ATP2B4: variants seen among roughly 807,000 people sequenced by gnomAD.
The protein encoded by ATP2B4 is plasma membrane calcium-transporting ATPase 4.
A neutral mutation model predicts 110.3 loss-of-function variants in ATP2B4; 39 were observed. The ratio of observed to expected loss-of-function variants is 0.35; its 90% CI spans 0.27 to 0.46. The LOEUF (loss-of-function observed/expected upper bound fraction) is 0.46, where lower values mean the gene tolerates loss of function less well. ATP2B4 is among the 20% of genes least tolerant of loss of function. The pLI is 1.00. For synonymous variants in ATP2B4, 538 were observed against 571.7 expected (o/e 0.94, Z 0.84); for missense variants, 1,135 against 1,530.9 (o/e 0.74, Z 4.32).
chr1:203,656,977 A>G, intron 1 of ATP2B4: 1 of 718,934 alleles, frequency 1.4e-6, no homozygotes, highest in Non-Finnish European at 2.6e-6. Flanking sequence ...TCAAACCAGT[A>G]AGACTGCATT....
intron 3 of ATP2B4, among the ~76,000 whole-genome samples, chr1:203,699,055 G>T (rs1665614821): frequency 6.6e-6 from 1 of 152,264 alleles, no homozygotes; most frequent in South Asian, 2.1e-4. Flanking sequence ...GATTGCAGGT[G>T]TGAACCAACA....
At chr1:203,648,235 G>A (rs1663866692) in intron 1 of ATP2B4, among the ~76,000 whole-genome samples, 1 of 152,004 alleles carries the variant, frequency 6.6e-6, no homozygotes, top group Admixed American at 6.6e-5. Context: ...ATGTGTGAAA[G>A]AGAAGCTAAG....
rs138130835 is a variant in ATP2B4 at position 203,697,340 on chromosome 1, C to T, written c.194-817C>T. ...ACCTTGAGCAAGGAGCTTGTTCTTC[C>T]TGGCCTTTGTGTGTGAGCCAATGGA... On this transcript the variant is annotated intron_variant, in intron 2 of 20. Coordinates refer to ENST00000357681, the MANE Select transcript of ATP2B4 (RefSeq NM_001684.5). 4.8e-3 allele frequency among the ~76,000 whole-genome samples: 727 copies of T among 152,354 alleles called. 4 individuals carry two copies. The highest frequency in any genetic ancestry group is 0.016 in the African/African-American group (679 of 41,584).
intron 1 of ATP2B4, among the ~76,000 whole-genome samples, chr1:203,638,289 T>A (rs79622799): frequency 6.6e-6 from 1 of 152,346 alleles, no homozygotes; most frequent in East Asian, 1.9e-4. Flanking sequence ...GTGGGCAGGA[T>A]GGCATCTGGC....
rs1309112126 is a variant in ATP2B4, at chr1:203,707,017, A to G, written c.1108A>G (p.Met370Val). Residue 370 changes from methionine (M) to valine (V), a missense_variant, in exon 9 of 21, where the codon ATG becomes GTG. This residue lies in a region of ATP2B4 where 162 missense variants were observed against 210.5 expected (regional missense o/e 0.77). Transcript: ENST00000357681. ...CTTGTTTCTCTGGACAGGTCTGCTC[A>G]TGTCTGCTCTCACGGTTTTCATCCT... Reference protein sequence around the residue: ...AVQIGKAGLLMSALTVFILIL... With the variant: ...AVQIGKAGLLVSALTVFILIL... 1 of 1,613,642 alleles carries G rather than the reference A, an allele frequency of 6.2e-7. No individual in the cohort carries two copies. Among genetic ancestry groups the G allele is most frequent in the African/African-American group, 1.3e-5 (1 of 74,928 alleles).
chr1:203,724,865 CTGTTTTTT>C lies in ATP2B4; in HGVS notation c.3132+879_3132+886del, dbSNP rs1385575736. Among the ~76,000 whole-genome samples the C allele has an allele frequency of 1.5e-4, 15 of 101,454 alleles. 1 individual carries two copies. Among genetic ancestry groups the C allele is most frequent in the African/African-American group, 5.4e-4 (13 of 24,266 alleles). 66.6% of individuals were successfully genotyped at this position (101,454 alleles called of 152,430 possible). A position where few individuals can be genotyped will look rare whatever the true frequency, so the allele number is the denominator to read the frequency against. On this transcript the variant is annotated intron_variant, in intron 19 of 20. Coordinates refer to ENST00000357681, the MANE Select transcript of ATP2B4 (RefSeq NM_001684.5). ...ACTGCCTGGGTTTGAATCCAGCTCT[CTGTTTTTT>C]TTTTTTTTTTTTTTTTTTTCTGAGA... is the stretch of plus-strand genomic sequence containing the variant.
At chr1:203,702,499 A>C (rs761011182) in intron 7 of ATP2B4, among the ~76,000 whole-genome samples, 2 of 152,142 alleles carry the variant, frequency 1.3e-5, no homozygotes, top group African/African-American at 4.8e-5. Context: ...TAGCTTCCTC[A>C]TAAGTGTCCT....
At chr1:203,634,434 C>T (rs531906345) in intron 1 of ATP2B4, among the ~76,000 whole-genome samples, 14 of 152,296 alleles carry the variant, frequency 9.2e-5, no homozygotes, top group Non-Finnish European at 1.3e-4. Flanking sequence ...TAGGCTCAAG[C>T]GATCCTCTTG....
chr1:203,647,650 TC>T (rs1663844032), intron 1 of ATP2B4, among the ~76,000 whole-genome samples: 1 of 152,076 alleles, frequency 6.6e-6, no homozygotes, highest in South Asian at 2.1e-4. Flanking sequence ...TCTCAGTTAC[TC>T]GGGAGGCTGA....
In ATP2B4 at chr1:203,724,865, C is replaced by CTCTTTTTTTTTTTTTTTTTTTT. The variant is rs1214526316; in HGVS notation, c.3132+878_3132+879insCTTTTTTTTTTTTTTTTTTTTT. On this transcript the variant is annotated intron_variant, in intron 19 of 20. Transcript: ENST00000357681. The stretch of plus-strand genomic sequence containing the variant: ...ACTGCCTGGGTTTGAATCCAGCTCT[C>CTCTTTTTTTTTTTTTTTTTTTT]TGTTTTTTTTTTTTTTTTTTTTTTT... 3.0e-5 allele frequency among the ~76,000 whole-genome samples: 3 copies of CTCTTTTTTTTTTTTTTTTTTTT among 101,454 alleles called. 1 individual carries two copies. Among genetic ancestry groups the CTCTTTTTTTTTTTTTTTTTTTT allele is most frequent in the African/African-American group, 8.2e-5 (2 of 24,266 alleles). The allele number at this position is 101,454 out of a possible 152,430, so 66.6% of individuals were successfully genotyped here. A position where few individuals can be genotyped will look rare whatever the true frequency, so the allele number is the denominator to read the frequency against.
chr1:203,677,698 A>G (rs1664869237), intron 1 of ATP2B4, among the ~76,000 whole-genome samples: 1 of 152,184 alleles, frequency 6.6e-6, no homozygotes, highest in Admixed American at 6.5e-5. Context: ...TCCTGACCTC[A>G]GGTGATCCGC....
At chr1:203,677,337 C>T (rs186929284) in intron 1 of ATP2B4, among the ~76,000 whole-genome samples, 8 of 152,248 alleles carry the variant, frequency 5.3e-5, no homozygotes, top group Non-Finnish European at 1.2e-4. Context: ...TCCCAACCTT[C>T]CCACCTCTCC....
chr1:203,675,901 C>A (rs992137253), intron 1 of ATP2B4, among the ~76,000 whole-genome samples: 1 of 152,102 alleles, frequency 6.6e-6, no homozygotes, highest in Admixed American at 6.5e-5. Context: ...GACTAGCAAC[C>A]TGGAAGGACT....
At chr1:203,701,408 T>A (rs1382494962) in intron 6 of ATP2B4, among the ~76,000 whole-genome samples, 1 of 152,164 alleles carries the variant, frequency 6.6e-6, no homozygotes. Context: ...AACAGTTAGT[T>A]CAGTCTTTGC....
intron 20 of ATP2B4, chr1:203,733,346 G>A: frequency 6.2e-7 from 1 of 1,614,138 alleles, no homozygotes; most frequent in South Asian, 1.1e-5. Flanking sequence ...AGTTGCACCA[G>A]TCAAATCTTC....
At chr1:203,659,716 G>A (rs940734679) in intron 1 of ATP2B4, among the ~76,000 whole-genome samples, 32 of 152,218 alleles carry the variant, frequency 2.1e-4, no homozygotes, top group East Asian at 1.2e-3. Context: ...TGTAGTTCTA[G>A]CTACTGGGGA....
At chr1:203,681,493 G>A (rs1416200581) in intron 1 of ATP2B4, among the ~76,000 whole-genome samples, 1 of 152,124 alleles carries the variant, frequency 6.6e-6, no homozygotes, top group Non-Finnish European at 1.5e-5. Flanking sequence ...CTACGTAACC[G>A]GGGCTGGGGT....
intron 17 of ATP2B4, 109 bp from the exon 18 acceptor site, chr1:203,722,369 T>G: frequency 2.4e-6 from 2 of 846,498 alleles, no homozygotes; most frequent in Non-Finnish European, 3.9e-6. Context: ...CAGATATTGA[T>G]TAATTAGAAT....
At position 203,712,011 on chromosome 1, in the gene ATP2B4, G is replaced by T; in HGVS notation, c.2083G>T (p.Val695Leu). 6.2e-7 allele frequency: 1 copy of T among 1,614,174 alleles called. No homozygotes were observed. Among genetic ancestry groups the T allele is most frequent in the South Asian group, 1.1e-5 (1 of 91,080 alleles). ...CKQAGITVRM[V>L]TGDNINTARA... ...ACAAGCTGGCATTACTGTCAGAATGGTGACAGGTGACAACATCAACACAGC... is the reference window on the plus strand; with the variant it reads ...ACAAGCTGGCATTACTGTCAGAATGTTGACAGGTGACAACATCAACACAGC... Residue 695 changes from valine to leucine, a missense_variant, in exon 13 of 21, where the codon GTG (valine) becomes TTG (leucine). Val to Leu is a conservative substitution (Grantham distance 32). Transcript: ENST00000357681.
Sources: gnomAD v4.1 joint callset for allele counts (sites outside exome capture counted in the v4.1 genomes callset) on GRCh38, gnomAD v4.1.1 for gene constraint, gnomAD v4.1.1 regional missense constraint, MANE v1.5 for transcripts, NCBI Gene and HGNC (gene_info 2026-07-23, HGNC 2026-07-21) for gene names.